The following ERGIC1 variants were observed in gnomAD, a reference collection of about 807,000 sequenced individuals.
ERGIC1 encodes endoplasmic reticulum-Golgi intermediate compartment protein 1.
Under a neutral mutation model 38.3 loss-of-function variants are expected in ERGIC1, and 19 were observed. The ratio of observed to expected loss-of-function variants is 0.50; its 90% CI spans 0.35 to 0.73. ERGIC1 has a LOEUF of 0.73. Among genes scored for constraint, ERGIC1 ranks in the 30% least tolerant of loss-of-function variants. The pLI, the probability that ERGIC1 is intolerant of heterozygous loss-of-function variation, is 0.01. For missense variants in ERGIC1, 294 were observed against 389.2 expected (o/e 0.76, Z 2.06); for synonymous variants, 124 against 157.6 (o/e 0.79, Z 1.60).
intron 1 of ERGIC1, among the ~76,000 whole-genome samples, chr5:172,857,750 TC>T (rs1761589025): frequency 6.6e-6 from 1 of 152,002 alleles, no homozygotes; most frequent in African/African-American, 2.4e-5. Flanking sequence ...CTTGGCTTCT[TC>T]CCCGGGTTCT....
At position 172,839,134 on chromosome 5, in the gene ERGIC1, G is replaced by A. The variant is rs900954412; in HGVS notation, c.20+4701G>A. Among the ~76,000 whole-genome samples, 14 of 151,674 alleles carry A rather than the reference G, an allele frequency of 9.2e-5. No individual in the cohort carries two copies. In the South Asian group the frequency reaches 1.5e-3, roughly 16 times the overall value. ...TACATACCTGTAATCCCAGCTCCTC[G>A]GGAGGCTGAGGCAGGAGAATTGCTT... On this transcript the variant is annotated intron_variant, in intron 1 of 9. Transcript: ENST00000393784.
At position 172,846,564 on chromosome 5, in the gene ERGIC1, G is replaced by C. The variant is rs1385398994; in HGVS notation, c.20+12131G>C. Among the ~76,000 whole-genome samples, 3 of 152,184 alleles carry C rather than the reference G, an allele frequency of 2.0e-5. No homozygotes were observed. Among genetic ancestry groups the C allele is most frequent in the South Asian group, 2.1e-4 (1 of 4,834 alleles). On this transcript the variant is annotated intron_variant, in intron 1 of 9. Transcript: ENST00000393784. The surrounding 1 kb of genome is among the most constrained non-coding windows in gnomAD (Gnocchi z 4.0). ...AGAGCTAGGATTGCAGCTGATCTGG[G>C]TCCCCACTCCACAGTCTTTGGATTA...
chr5:172,873,159 C>T (rs535451283), intron 1 of ERGIC1, among the ~76,000 whole-genome samples: 4 of 152,258 alleles, frequency 2.6e-5, no homozygotes, highest in Non-Finnish European at 5.9e-5. Flanking sequence ...AAACCCCGCT[C>T]ATGCTCTGCC....
chr5:172,929,726 G>A (rs1322884701), intron 7 of ERGIC1, among the ~76,000 whole-genome samples: 1 of 152,180 alleles, frequency 6.6e-6, no homozygotes, highest in Non-Finnish European at 1.5e-5. Context: ...CAAGATGAGC[G>A]AGGTGTGTCA....
At chr5:172,947,995 T>TA (rs1284352402) in intron 9 of ERGIC1, among the ~76,000 whole-genome samples, 3 of 152,108 alleles carry the variant, frequency 2.0e-5, no homozygotes, top group Non-Finnish European at 4.4e-5. Context: ...TTTTGTGGTA[T>TA]AAAATCTCCC....
chr5:172,920,799 C>T (rs1442620815), intron 5 of ERGIC1, among the ~76,000 whole-genome samples: 2 of 152,236 alleles, frequency 1.3e-5, no homozygotes, highest in Admixed American at 1.3e-4. Flanking sequence ...TGCGGAAGGC[C>T]CTGTGTCACT....
At chr5:172,859,376 C>G (rs4867694) in intron 1 of ERGIC1, among the ~76,000 whole-genome samples, 92,314 of 151,744 alleles carry the variant, frequency 0.61, 29,050 homozygotes, top group South Asian at 0.73. Context: ...TCCCACCCAC[C>G]CCCAACTCCC....
At position 172,952,353 on chromosome 5, in the gene ERGIC1, A is replaced by G. The variant is rs910539033; in HGVS notation, c.*1537A>G. ...GTAAATGCATTTGGTTATTTCTGGT[A>G]TCGGTGGCCACTTGGATGGATTTTT... On this transcript the variant is annotated 3_prime_UTR_variant, in exon 10 of 10. Transcript: ENST00000393784. The G allele has an allele frequency of 1.4e-5, 2 of 142,938 alleles. No individual in the cohort carries two copies. The highest frequency in any genetic ancestry group is 5.2e-5 in the African/African-American group (2 of 38,422). 8.9% of individuals were successfully genotyped at this position (142,938 alleles called of 1,614,324 possible).
At position 172,858,235 on chromosome 5, in the gene ERGIC1, G is replaced by A. The variant is rs372004304; in HGVS notation, c.20+23802G>A. Among the ~76,000 whole-genome samples the A allele has an allele frequency of 6.5e-4, 99 of 152,298 alleles. No homozygotes were observed. The Middle Eastern group carries it at 0.031, about 47-fold the overall frequency. On this transcript the variant is annotated intron_variant, in intron 1 of 9. Coordinates refer to ENST00000393784, the MANE Select transcript of ERGIC1 (RefSeq NM_001031711.3). ...GCCCTGAGGTGGGAGGTCACAGGTC[G>A]GCCGGCTGAAGCGGCTGCTGGACAG... is the stretch of plus-strand genomic sequence containing the variant.
intron 5 of ERGIC1, chr5:172,920,468 G>A: frequency 1.4e-6 from 1 of 717,678 alleles, no homozygotes; most frequent in Admixed American, 2.0e-5. Flanking sequence ...AGCCCCGCAG[G>A]AGGAGGACAG....
Position 172,846,841 on chromosome 5 carries a change from G to T in ERGIC1, c.20+12408G>T, listed in dbSNP as rs943537698. ...GACTAAATAAGTTTGCCTCTGTAAA[G>T]CCCTTAGAACTGTGCCTGGCATCTG... On this transcript the variant is annotated intron_variant, in intron 1 of 9. Transcript: ENST00000393784. This position sits in a 1 kb window ranked among gnomAD's most constrained non-coding sequence, Gnocchi z 4.0. 6.6e-6 allele frequency among the ~76,000 whole-genome samples: 1 copy of T among 152,106 alleles called. No homozygotes were observed. Among genetic ancestry groups the T allele is most frequent in the Non-Finnish European group, 1.5e-5 (1 of 68,018 alleles).
chr5:172,896,483 C>T (rs1265785803), intron 2 of ERGIC1, among the ~76,000 whole-genome samples: 1 of 152,254 alleles, frequency 6.6e-6, no homozygotes, highest in Non-Finnish European at 1.5e-5. Flanking sequence ...CAGCCACAGA[C>T]TCTGCCTCAG....
At chr5:172,900,186 G>T (rs1400264698) in intron 3 of ERGIC1, among the ~76,000 whole-genome samples, 1 of 152,130 alleles carries the variant, frequency 6.6e-6, no homozygotes, top group Non-Finnish European at 1.5e-5. Context: ...CGAGCAGGTG[G>T]GGCCCCACCC....
chr5:172,834,587 C>CA lies in ERGIC1; in HGVS notation c.20+154_20+155insA, dbSNP rs1221598911. Among the ~76,000 whole-genome samples the CA allele has an allele frequency of 1.1e-4, 15 of 133,050 alleles. No homozygotes were observed. The highest frequency in any genetic ancestry group is 2.8e-4 in the African/African-American group (10 of 36,236). 87.3% of individuals were successfully genotyped at this position (133,050 alleles called of 152,430 possible). Reference sequence around the variant, plus strand: ...CCTAGGGACCCCAGGCGAGCCCCCCCCCTGCCGCACACGAAGCCAGCCAGA... The same window carrying CA: ...CCTAGGGACCCCAGGCGAGCCCCCCCACCTGCCGCACACGAAGCCAGCCAGA... On this transcript the variant is annotated intron_variant, in intron 1 of 9. Transcript: ENST00000393784. This position sits in a 1 kb window ranked among gnomAD's most constrained non-coding sequence, Gnocchi z 4.1.
chr5:172,886,602 C>T (rs1359716809), intron 1 of ERGIC1, among the ~76,000 whole-genome samples: 3 of 151,796 alleles, frequency 2.0e-5, no homozygotes, highest in Non-Finnish European at 4.4e-5. Context: ...GTCAAACAAG[C>T]GTTAATAATA....
At chr5:172,869,836 T>C (rs897472502) in intron 1 of ERGIC1, among the ~76,000 whole-genome samples, 1 of 152,202 alleles carries the variant, frequency 6.6e-6, no homozygotes, top group African/African-American at 2.4e-5. Context: ...TTTTTGCCTT[T>C]AAGATGCATC....
At chr5:172,867,343 T>C (rs555599680) in intron 1 of ERGIC1, 86 of 426,576 alleles carry the variant, frequency 2.0e-4, no homozygotes, top group African/African-American at 1.5e-3. Context: ...GGACGATTCA[T>C]AGGAGAGCAC....
At chr5:172,851,114 T>G (rs1761392117) in intron 1 of ERGIC1, among the ~76,000 whole-genome samples, 1 of 144,748 alleles carries the variant, frequency 6.9e-6, no homozygotes, top group African/African-American at 2.6e-5. Context: ...GGCAGGAGAA[T>G]CCCTTGAACC....
intron 1 of ERGIC1, among the ~76,000 whole-genome samples, chr5:172,870,228 A>C (rs1156753102): frequency 1.3e-5 from 2 of 152,184 alleles, no homozygotes; most frequent in Non-Finnish European, 2.9e-5. Flanking sequence ...AACACTTGCC[A>C]TCATTTTTTA....
Sources: gnomAD v4.1 joint callset for allele counts (sites outside exome capture counted in the v4.1 genomes callset) on GRCh38, gnomAD v4.1.1 for gene constraint, Gnocchi (gnomAD v3.1) non-coding constraint, MANE v1.5 for transcripts, NCBI Gene and HGNC (gene_info 2026-07-23, HGNC 2026-07-21) for gene names.